The following INSL6 variants were observed in gnomAD, a reference collection of about 807,000 sequenced individuals.
The protein encoded by INSL6 is insulin like 6.
A neutral mutation model predicts 9.4 loss-of-function variants in INSL6; 16 were observed. The ratio of observed to expected loss-of-function variants is 1.70; its 90% CI spans 1.15 to 2.59. INSL6 has a LOEUF of 2.59. INSL6 is among the 30% of genes most tolerant of loss of function. INSL6 has a pLI of 0.00. For synonymous variants in INSL6, 154 were observed against 96.9 expected (o/e 1.59, Z -3.46); for missense variants, 391 against 257.3 (o/e 1.52, Z -3.56).
chr9:5,025,831 T>C, the INSL6 span, among the ~76,000 whole-genome samples: 15 of 152,226 alleles, frequency 9.9e-5, no homozygotes, highest in Admixed American at 9.8e-4. Flanking sequence ...AATCTATTTC[T>C]TTAATGGTTA....
the INSL6 span, among the ~76,000 whole-genome samples, chr9:5,105,654 A>T: frequency 6.6e-6 from 1 of 152,188 alleles, no homozygotes; most frequent in East Asian, 1.9e-4. Context: ...ACACTACGTA[A>T]CTTCAAACTA....
At chr9:5,116,618 A>G in the INSL6 span, among the ~76,000 whole-genome samples, 4 of 152,230 alleles carry the variant, frequency 2.6e-5, no homozygotes, top group Non-Finnish European at 5.9e-5. Context: ...AGATTTGGTT[A>G]TACTTAATGA....
intron 3 of INSL6, chr9:5,126,730 G>T: frequency 6.2e-7 from 1 of 1,610,914 alleles, no homozygotes; most frequent in Non-Finnish European, 8.5e-7. Flanking sequence ...GTAAATCAAC[G>T]CCCCTCCTTT....
the INSL6 span, chr9:5,072,638 CT>C: frequency 6.4e-7 from 1 of 1,568,276 alleles, no homozygotes; most frequent in Non-Finnish European, 8.7e-7. Flanking sequence ...TGTGTATGTT[CT>C]TTATATTGTT....
At chr9:5,018,337 G>C in the INSL6 span, among the ~76,000 whole-genome samples, 1 of 151,980 alleles carries the variant, frequency 6.6e-6, no homozygotes, top group South Asian at 2.1e-4. Context: ...TTGTTTGTTT[G>C]TTTCTTTTTT....
chr9:5,118,319 A>G, the INSL6 span, among the ~76,000 whole-genome samples: 1 of 152,206 alleles, frequency 6.6e-6, no homozygotes, highest in African/African-American at 2.4e-5. Context: ...AATTTTGCAT[A>G]ATATGTTACA....
At chr9:5,033,234 T>C in the INSL6 span, among the ~76,000 whole-genome samples, 1 of 152,130 alleles carries the variant, frequency 6.6e-6, no homozygotes, top group Non-Finnish European at 1.5e-5. Context: ...CTTCAAGAAA[T>C]ATGGGACTAT....
At chr9:5,032,595 C>T in the INSL6 span, among the ~76,000 whole-genome samples, 7 of 152,200 alleles carry the variant, frequency 4.6e-5, no homozygotes, top group African/African-American at 1.4e-4. Flanking sequence ...CACCAATATC[C>T]GCTGTTCTGC....
the INSL6 span, chr9:5,112,914 C>T: frequency 3.6e-6 from 1 of 278,700 alleles, no homozygotes; most frequent in Non-Finnish European, 6.6e-6. Flanking sequence ...AGAACGCCCA[C>T]TTGAGGCCCT....
the INSL6 span, among the ~76,000 whole-genome samples, chr9:4,993,942 C>T: frequency 1.3e-5 from 2 of 152,150 alleles, no homozygotes; most frequent in African/African-American, 4.8e-5. Context: ...TGGTCTCAGA[C>T]TGAGTGATCA....
the INSL6 span, chr9:5,080,095 G>A: frequency 4.8e-6 from 3 of 629,154 alleles, no homozygotes; most frequent in Non-Finnish European, 5.4e-6. Flanking sequence ...ATGTGCATGT[G>A]CACATCCAAC....
At chr9:5,059,178 C>T in the INSL6 span, among the ~76,000 whole-genome samples, 1 of 152,080 alleles carries the variant, frequency 6.6e-6, no homozygotes, top group South Asian at 2.1e-4. Flanking sequence ...CCTCAAAAAA[C>T]AGAATAGTTC....
At chr9:5,169,112 G>C (rs1474147280) in intron 1 of INSL6, among the ~76,000 whole-genome samples, 1 of 152,082 alleles carries the variant, frequency 6.6e-6, no homozygotes, top group Non-Finnish European at 1.5e-5. Context: ...TTTTAGTAAA[G>C]ACAGGGTTTT....
chr9:5,161,271 C>A (rs767645353), downstream of INSL6, among the ~76,000 whole-genome samples: 1 of 152,092 alleles, frequency 6.6e-6, no homozygotes, highest in African/African-American at 2.4e-5. Context: ...AATGCAAGAA[C>A]GGTTCAACAT....
chr9:5,108,507 T>C, the INSL6 span: 1 of 152,142 alleles, frequency 6.6e-6, no homozygotes, highest in Admixed American at 6.5e-5. Context: ...TAATCTTATA[T>C]GACTAGCATG....
chr9:5,036,158 C>G, the INSL6 span, among the ~76,000 whole-genome samples: 1 of 152,064 alleles, frequency 6.6e-6, no homozygotes, highest in South Asian at 2.1e-4. Context: ...ACCTAGGAAT[C>G]CAACTTACAA....
intron 1 of INSL6, among the ~76,000 whole-genome samples, chr9:5,177,550 T>C (rs888366042): frequency 6.6e-6 from 1 of 152,172 alleles, no homozygotes; most frequent in Non-Finnish European, 1.5e-5. Flanking sequence ...CCTGGGATCC[T>C]GGCAAGGCAG....
At chr9:5,008,070 C>T in the INSL6 span, among the ~76,000 whole-genome samples, 1 of 151,888 alleles carries the variant, frequency 6.6e-6, no homozygotes, top group African/African-American at 2.4e-5. Context: ...CACAGAATAA[C>T]ATGAGTGGGT....
chr9:5,048,504 A>G, the INSL6 span, among the ~76,000 whole-genome samples: 299 of 152,254 alleles, frequency 2.0e-3, 1 homozygote, highest in African/African-American at 6.8e-3. Context: ...GTCATTGATC[A>G]TCTTCTACTT....
Sources: allele counts gnomAD v4.1 joint callset (sites outside exome capture counted in the v4.1 genomes callset), GRCh38; gene constraint gnomAD v4.1.1; transcripts MANE v1.5; gene names NCBI Gene and HGNC (gene_info 2026-07-23, HGNC 2026-07-21).